DDX50: variants seen among roughly 807,000 people sequenced by gnomAD.
The protein encoded by DDX50 is ATP-dependent RNA helicase DDX50.
Under a neutral mutation model 94.8 loss-of-function variants are expected in DDX50, and 56 were observed. That is an observed-to-expected ratio of 0.59 (90% CI 0.48 to 0.74). DDX50 has a LOEUF of 0.74. DDX50 is among the 30% of genes least tolerant of loss of function. DDX50 has a pLI of 0.00. For synonymous variants in DDX50, 264 were observed against 295.4 expected, an observed-to-expected ratio of 0.89 and a Z score of 1.09; for missense variants, 713 against 881.2, an observed-to-expected ratio of 0.81 and a Z score of 2.42.
chr10:68,934,337 G>C lies in DDX50; in HGVS notation c.1378G>C (p.Val460Leu). 1 of 1,613,734 alleles carries C rather than the reference G, an allele frequency of 6.2e-7. No individual in the cohort carries two copies. Among genetic ancestry groups the C allele is most frequent in the Non-Finnish European group, 8.5e-7 (1 of 1,179,816 alleles). ...TTTGGACATTCCTGAAGTTGACCTG[G>C]TGATTCAAAGTTCTCCTCCTCAGGT... ...RGLDIPEVDL[V>L]IQSSPPQDVE... The change falls in exon 9 of 15, where the codon GTG (valine) becomes CTG (leucine). Residue 460 changes from valine (V) to leucine (L), a missense_variant. By Grantham distance (32) the Val-to-Leu change is conservative. Around this residue, in one of 2 missense-constraint regions of DDX50, gnomAD observed 428 missense variants for 602.3 expected, o/e 0.71. Coordinates refer to ENST00000373585, the MANE Select transcript of DDX50 (RefSeq NM_024045.2). The surrounding 1 kb of genome is among the most constrained non-coding windows in gnomAD (Gnocchi z 4.0).
Position 68,913,453 on chromosome 10 carries a change from C to T in DDX50, c.820C>T (p.Leu274=), listed in dbSNP as rs779636114. 3 of 1,614,168 alleles carry T rather than the reference C, an allele frequency of 1.9e-6. No individual in the cohort carries two copies. The highest frequency in any genetic ancestry group is 2.5e-6 in the Non-Finnish European group (3 of 1,180,004). The change falls in exon 6 of 15, where the codon CTG becomes TTG. Residue 274 remains leucine, a synonymous_variant. Coordinates refer to ENST00000373585, the MANE Select transcript of DDX50 (RefSeq NM_024045.2). ...AACACCTGGTCGTATCAAAGACCAT[C>T]TGCAGAGTGGCCGATTGGATCTTTC... is the stretch of plus-strand genomic sequence containing the variant. ...VGTPGRIKDH[L]QSGRLDLSKL...
chr10:68,926,951 C>T (rs934448909), intron 8 of DDX50, among the ~76,000 whole-genome samples: 5 of 152,044 alleles, frequency 3.3e-5, no homozygotes, highest in Admixed American at 1.3e-4. Flanking sequence ...CTTACTCCGT[C>T]GCCCAGGCTG....
intron 12 of DDX50, 67 bp from the exon 13 acceptor site, chr10:68,940,993 A>G (rs1842540765): frequency 7.1e-6 from 11 of 1,548,974 alleles, no homozygotes; most frequent in Non-Finnish European, 9.6e-6. Context: ...GAAGGATTAT[A>G]GAGTTAGAAT....
Position 68,933,413 on chromosome 10 carries a change from A to G in DDX50, c.1240-786A>G, listed in dbSNP as rs536016052. Among the ~76,000 whole-genome samples, 6 of 152,218 alleles carry G rather than the reference A, an allele frequency of 3.9e-5. No homozygotes were observed. In the South Asian group the frequency reaches 1.2e-3, roughly 32 times the overall value. ...AAAGGTGAAAATGTGAATACAGCCC[A>G]AAAGTTCATCAGTAGGATATTGCTA... On this transcript the variant is annotated intron_variant, in intron 8 of 14. Transcript: ENST00000373585.
At chr10:68,908,112 C>A (rs1324435280) in intron 2 of DDX50, among the ~76,000 whole-genome samples, 4 of 152,090 alleles carry the variant, frequency 2.6e-5, no homozygotes, top group African/African-American at 9.7e-5. Flanking sequence ...ATACAGCTAT[C>A]CCAAAGGGTG....
intron 1 of DDX50, 118 bp from the exon 2 acceptor site, chr10:68,906,593 G>A (rs1841450223): frequency 1.8e-6 from 2 of 1,117,286 alleles, no homozygotes; most frequent in Non-Finnish European, 2.6e-6. Context: ...CTACCAGGCA[G>A]GTTTTCAAAG....
chr10:68,916,918 T>G (rs1314381593), intron 7 of DDX50, among the ~76,000 whole-genome samples: 1 of 152,138 alleles, frequency 6.6e-6, no homozygotes, highest in Non-Finnish European at 1.5e-5. Context: ...AATCATGACC[T>G]CAAGTGATCC....
Position 68,946,488 on chromosome 10 carries a change from G to C in DDX50, c.2072G>C (p.Gly691Ala). 1 of 1,614,194 alleles carries C rather than the reference G, an allele frequency of 6.2e-7. No individual in the cohort carries two copies. The highest frequency in any genetic ancestry group is 8.5e-7 in the Non-Finnish European group (1 of 1,180,022). The change falls in exon 15 of 15, where the codon GGC (glycine) becomes GCC (alanine). Residue 691 changes from glycine to alanine, a missense_variant. Around this residue, in one of 2 missense-constraint regions of DDX50, gnomAD observed 428 missense variants for 602.3 expected, o/e 0.71. Coordinates refer to ENST00000373585, the MANE Select transcript of DDX50 (RefSeq NM_024045.2). ...TCAAGTGGTCGATCAGGCCGGTCAG[G>C]CCGGTCAGGTGGTCGATCTGGCGGC... ...GWSSGRSGRS[G>A]RSGGRSGGRS... is the part of the protein sequence containing the mutation.
Position 68,934,274 on chromosome 10 carries a change from T to A in DDX50, c.1315T>A (p.Phe439Ile). The part of the protein sequence containing the change: ...ITLKGFREGS[F>I]KVLVATNVAA... ...ACTAAAAGGCTTCAGAGAAGGTAGTTTTAAAGTTTTGGTGGCAACCAATGT... is the reference window on the plus strand; with the variant it reads ...ACTAAAAGGCTTCAGAGAAGGTAGTATTAAAGTTTTGGTGGCAACCAATGT... The change falls in exon 9 of 15, where the codon TTT (phenylalanine) becomes ATT (isoleucine). Residue 439 changes from phenylalanine to isoleucine, a missense_variant. By Grantham distance (21) the Phe-to-Ile change is conservative. Around this residue, in one of 2 missense-constraint regions of DDX50, gnomAD observed 428 missense variants for 602.3 expected, o/e 0.71. Transcript: ENST00000373585. The surrounding 1 kb of genome is among the most constrained non-coding windows in gnomAD (Gnocchi z 4.0). 1 of 1,613,326 alleles carries A rather than the reference T, an allele frequency of 6.2e-7. No homozygotes were observed. The highest frequency in any genetic ancestry group is 8.5e-7 in the Non-Finnish European group (1 of 1,179,858).
intron 8 of DDX50, among the ~76,000 whole-genome samples, chr10:68,921,860 C>CT (rs1841949263): frequency 6.6e-6 from 1 of 152,082 alleles, no homozygotes; most frequent in Non-Finnish European, 1.5e-5. Context: ...CCAGTCTAAT[C>CT]TTTTTTCCTT....
chr10:68,927,324 G>T (rs1842118834), intron 8 of DDX50, among the ~76,000 whole-genome samples: 1 of 151,658 alleles, frequency 6.6e-6, no homozygotes, highest in African/African-American at 2.4e-5. Flanking sequence ...TCTTAACTTG[G>T]GTTATATGAT....
At position 68,946,638 on chromosome 10, in the gene DDX50, A is replaced by ATAGT; in HGVS notation, c.*11_*14dup. 1 of 1,609,808 alleles carries ATAGT rather than the reference A, an allele frequency of 6.2e-7. No homozygotes were observed. Among genetic ancestry groups the ATAGT allele is most frequent in the Non-Finnish European group, 8.5e-7 (1 of 1,177,464 alleles). On this transcript the variant is annotated 3_prime_UTR_variant, in exon 15 of 15. Transcript: ENST00000373585. Reference sequence around the variant, plus strand: ...AAACGGAGTTTTGACTGAGTATTTGATAGTTAATCTACCAGTGTGAGCTTG... The same window carrying ATAGT: ...AAACGGAGTTTTGACTGAGTATTTGATAGTTAGTTAATCTACCAGTGTGAGCTTG...
At chr10:68,923,545 C>CT (rs1233029956) in intron 8 of DDX50, among the ~76,000 whole-genome samples, 2 of 151,224 alleles carry the variant, frequency 1.3e-5, no homozygotes, top group African/African-American at 4.9e-5. Context: ...TATTTATTAT[C>CT]TTTTAATTTT....
intron 7 of DDX50, among the ~76,000 whole-genome samples, chr10:68,919,063 C>G (rs983463004): frequency 9.2e-5 from 14 of 152,138 alleles, no homozygotes; most frequent in Admixed American, 2.6e-4. Flanking sequence ...AGCAATAGGA[C>G]ATACCATATA....
chr10:68,915,270 G>A (rs753301082), intron 7 of DDX50, among the ~76,000 whole-genome samples: 36 of 151,286 alleles, frequency 2.4e-4, no homozygotes, highest in South Asian at 2.1e-4. Flanking sequence ...AAAATTAGCC[G>A]GTCATGGTGG....
chr10:68,911,441 G>A (rs111609713), intron 4 of DDX50, among the ~76,000 whole-genome samples, 195 bp downstream of exon 4: 1 of 152,196 alleles, frequency 6.6e-6, no homozygotes, highest in African/African-American at 2.4e-5. Context: ...TGAATGTGAT[G>A]TGTATGGATC....
At chr10:68,936,550 A>ATATATAT (rs1491106282) in intron 11 of DDX50, among the ~76,000 whole-genome samples, 1 of 120,570 alleles carries the variant, frequency 8.3e-6, no homozygotes, top group African/African-American at 3.0e-5. Context: ...ATATATATAT[A>ATATATAT]AAATGTGGCT....
chr10:68,920,307 G>A (rs1333576259), intron 8 of DDX50, among the ~76,000 whole-genome samples: 1 of 151,790 alleles, frequency 6.6e-6, no homozygotes, highest in Non-Finnish European at 1.5e-5. Flanking sequence ...GACTACAGGT[G>A]CGTGCCACAA....
rs765365418 is a variant in DDX50, at chr10:68,906,936, G to GA, written c.321dup (p.Ser108IlefsTer13). 2.5e-6 allele frequency: 4 copies of GA among 1,595,178 alleles called. No homozygotes were observed. Among genetic ancestry groups the GA allele is most frequent in the Admixed American group, 1.9e-5 (1 of 53,860 alleles). On this transcript the variant is annotated frameshift_variant, in exon 2 of 15. Transcript: ENST00000373585. LOFTEE classifies it high-confidence loss of function. Reference sequence around the variant, plus strand: ...ACCAAATGGAGATATAGATGAATATGAAAAAAAATCAAAGCGAGTATCATC... The same window carrying GA: ...ACCAAATGGAGATATAGATGAATATGAAAAAAAAATCAAAGCGAGTATCATC...
Sources: gnomAD v4.1 joint callset for allele counts (sites outside exome capture counted in the v4.1 genomes callset) on GRCh38, gnomAD v4.1.1 for gene constraint, gnomAD v4.1.1 regional missense constraint, Gnocchi (gnomAD v3.1) non-coding constraint, MANE v1.5 for transcripts, NCBI Gene and HGNC (gene_info 2026-07-23, HGNC 2026-07-21) for gene names.